Variants in STX3 observed in about 807,000 individuals in gnomAD.
STX3 encodes the protein syntaxin 3, also known as syntaxin-3.
Under a neutral mutation model 40.2 loss-of-function variants are expected in STX3, and 19 were observed. The observed-to-expected ratio is 0.47, with a 90% CI of 0.33 to 0.69. STX3 has a LOEUF of 0.69. STX3 is among the 30% of genes least tolerant of loss of function. The probability of loss-of-function intolerance (pLI) is 0.02; values close to 1 mark genes in which losing one functional copy is unlikely to be tolerated. For synonymous variants in STX3, 122 were observed against 132.2 expected (o/e 0.92, Z 0.53); for missense variants, 364 against 366.7 (o/e 0.99, Z 0.06).
intron 2 of STX3, among the ~76,000 whole-genome samples, chr11:59,785,044 C>T (rs763657411): frequency 3.3e-4 from 51 of 152,278 alleles, no homozygotes; most frequent in South Asian, 8.3e-4. Context: ...AAACTTGTTT[C>T]CTCATTTGAA....
intron 2 of STX3, among the ~76,000 whole-genome samples, chr11:59,774,513 A>C (rs1444129619): frequency 2.0e-5 from 3 of 152,098 alleles, no homozygotes; most frequent in African/African-American, 4.8e-5. Flanking sequence ...ATAAACAACA[A>C]AAATCCCCAT....
chr11:59,794,140 A>G (rs1485135387), intron 8 of STX3, among the ~76,000 whole-genome samples: 1 of 151,894 alleles, frequency 6.6e-6, no homozygotes, highest in African/African-American at 2.4e-5. Flanking sequence ...TAAGGCACAG[A>G]GCAGACAACA....
chr11:59,788,112 C>G (rs1864891472), intron 3 of STX3, among the ~76,000 whole-genome samples: 1 of 152,156 alleles, frequency 6.6e-6, no homozygotes, highest in Admixed American at 6.5e-5. Context: ...CGTGGAATTC[C>G]TGCTTTTAGT....
At chr11:59,773,971 C>CAT (rs753715478) in intron 2 of STX3, among the ~76,000 whole-genome samples, 13,233 of 68,072 alleles carry the variant, frequency 0.19, 879 homozygotes, top group African/African-American at 0.35. Context: ...CTTTGTCTCA[C>CAT]ACACACAAAA....
chr11:59,773,894 C>T (rs929005934), intron 2 of STX3, among the ~76,000 whole-genome samples: 2 of 150,480 alleles, frequency 1.3e-5, no homozygotes, highest in Non-Finnish European at 2.9e-5. Context: ...CACTTGAATC[C>T]GGGAGGTGGA....
chr11:59,777,387 A>C (rs774997810), intron 2 of STX3, among the ~76,000 whole-genome samples: 17 of 152,192 alleles, frequency 1.1e-4, no homozygotes, highest in Non-Finnish European at 1.9e-4. Context: ...CTGCAAAGTG[A>C]TGGGGAACCT....
chr11:59,782,872 G>T (rs995540144), intron 2 of STX3, among the ~76,000 whole-genome samples: 20 of 151,830 alleles, frequency 1.3e-4, no homozygotes, highest in African/African-American at 4.8e-4. Context: ...GGTGGCGGGT[G>T]CCTGTAATCC....
At chr11:59,795,513 G>C in intron 9 of STX3, 31 bp downstream of exon 9, 5 of 1,592,882 alleles carry the variant, frequency 3.1e-6, no homozygotes, top group Non-Finnish European at 4.3e-6. Flanking sequence ...TCAGAGAAGA[G>C]AGTCCATTTT....
At chr11:59,795,782 C>A in intron 9 of STX3, 1 of 1,365,192 alleles carries the variant, frequency 7.3e-7, no homozygotes, top group Non-Finnish European at 1.0e-6. Flanking sequence ...CTGGCCACCC[C>A]TACCTGTGTT....
rs1865972925 is a variant in STX3, at chr11:59,803,449, A to G, written c.*2625A>G. 4.4e-6 allele frequency: 2 copies of G among 457,604 alleles called. No individual in the cohort carries two copies. Among genetic ancestry groups the G allele is most frequent in the African/African-American group, 2.0e-5 (1 of 49,644 alleles). 28.3% of individuals were successfully genotyped at this position (457,604 alleles called of 1,614,324 possible). ...AGAAAGGGATGTTTCAGAGACAGAA[A>G]AGTGAGTGAAGAATGAACTGTTAGT... On this transcript the variant is annotated 3_prime_UTR_variant, in exon 11 of 11. Transcript: ENST00000337979.
rs1336415798 is a variant in STX3, at chr11:59,792,108, A to C, written c.359A>C (p.His120Pro). The part of the protein sequence containing the change: ...SADLRIRKSQ[H>P]SVLSRKFVEV... ...ACTGCATTTTACATCATCCCACAGC[A>C]CTCTGTCCTTTCTCGGAAGTTTGTG... is the stretch of plus-strand genomic sequence containing the variant. The change falls in exon 6 of 11, where the codon CAC (histidine) becomes CCC (proline). Residue 120 changes from histidine (H) to proline (P), a missense_variant and splice_region_variant. Transcript: ENST00000337979. 5 of 1,613,284 alleles carry C rather than the reference A, an allele frequency of 3.1e-6. No homozygotes were observed. Among genetic ancestry groups the C allele is most frequent in the Non-Finnish European group, 4.2e-6 (5 of 1,179,608 alleles).
At chr11:59,772,370 T>A (rs1385186420) in intron 1 of STX3, among the ~76,000 whole-genome samples, 1 of 152,170 alleles carries the variant, frequency 6.6e-6, no homozygotes, top group Non-Finnish European at 1.5e-5. Context: ...GATGGCCATT[T>A]TGTGAATTTT....
At chr11:59,784,726 A>T (rs2134983017) in intron 2 of STX3, among the ~76,000 whole-genome samples, 2 of 152,342 alleles carry the variant, frequency 1.3e-5, no homozygotes, top group South Asian at 4.1e-4. Flanking sequence ...TCATGAGAAC[A>T]GCACAGGAAA....
In STX3 at chr11:59,803,650, C is replaced by CT. The variant is rs1865978903; in HGVS notation, c.*2831dup. On this transcript the variant is annotated 3_prime_UTR_variant, in exon 11 of 11. Transcript: ENST00000337979. ...GTTCTTGCATTAGGTGCATCTTGAACTTTTTGGAAGAGGGCCGGCCACACA... is the reference window on the plus strand; with the variant it reads ...GTTCTTGCATTAGGTGCATCTTGAACTTTTTTGGAAGAGGGCCGGCCACACA... Among the ~76,000 whole-genome samples, 1 of 152,136 alleles carries CT rather than the reference C, an allele frequency of 6.6e-6. No homozygotes were observed. Among genetic ancestry groups the CT allele is most frequent in the Non-Finnish European group, 1.5e-5 (1 of 68,030 alleles).
chr11:59,774,705 C>T (rs142338290), intron 2 of STX3, among the ~76,000 whole-genome samples: 21 of 152,020 alleles, frequency 1.4e-4, no homozygotes, highest in African/African-American at 5.1e-4. Flanking sequence ...GTGGTGGGCA[C>T]CTGTAATCCC....
chr11:59,787,887 A>C (rs1864878090), intron 3 of STX3, among the ~76,000 whole-genome samples: 1 of 151,704 alleles, frequency 6.6e-6, no homozygotes, highest in South Asian at 2.1e-4. Flanking sequence ...CTGTCATTCC[A>C]CTCTTTCATT....
At position 59,804,518 on chromosome 11, in the gene STX3, T is replaced by C. The variant is rs1866007150; in HGVS notation, c.*3694T>C. On this transcript the variant is annotated 3_prime_UTR_variant, in exon 11 of 11. Coordinates refer to ENST00000337979, the MANE Select transcript of STX3 (RefSeq NM_004177.5). ...TACCAATGAGAACGTGGTTTGTTAC[T>C]GTCAGAGGCTGTGTAAAGCCGCTTG... The C allele has an allele frequency of 1.3e-5, 2 of 152,358 alleles. No homozygotes were observed. The highest frequency in any genetic ancestry group is 4.1e-4 in the South Asian group (2 of 4,830). 9.4% of individuals were successfully genotyped at this position (152,358 alleles called of 1,614,324 possible). A position where few individuals can be genotyped will look rare whatever the true frequency, so the allele number is the denominator to read the frequency against.
At chr11:59,787,931 T>G (rs1864880537) in intron 3 of STX3, among the ~76,000 whole-genome samples, 1 of 152,150 alleles carries the variant, frequency 6.6e-6, no homozygotes, top group Non-Finnish European at 1.5e-5. Context: ...AAGACTGAAG[T>G]GGGAACACTT....
intron 5 of STX3, 47 bp downstream of exon 5, chr11:59,790,633 G>T (rs1205058897): frequency 2.1e-6 from 3 of 1,429,352 alleles, no homozygotes; most frequent in Non-Finnish European, 3.0e-6. Flanking sequence ...ATCTCTTATT[G>T]TTTTCCCTTA....
Sources: gnomAD v4.1 joint callset for allele counts (sites outside exome capture counted in the v4.1 genomes callset) on GRCh38, gnomAD v4.1.1 for gene constraint, MANE v1.5 for transcripts, NCBI Gene and HGNC (gene_info 2026-07-23, HGNC 2026-07-21) for gene names.